Variants in NINJ2 observed in about 807,000 individuals in gnomAD.
NINJ2 encodes ninjurin 2.
NINJ2 carries 12 observed loss-of-function variants against 11.7 expected under a neutral mutation model. The ratio of observed to expected loss-of-function variants is 1.02; its 90% CI spans 0.66 to 1.66. NINJ2 has a LOEUF of 1.66. Ranked by LOEUF, NINJ2 falls within the 40% of genes most tolerant of loss-of-function variation. The probability of loss-of-function intolerance (pLI) is 0.00; values close to 1 mark genes in which losing one functional copy is unlikely to be tolerated. For synonymous variants in NINJ2, 93 were observed against 76.8 expected, an observed-to-expected ratio of 1.21 and a Z score of -1.10; for missense variants, 187 against 181.8, an observed-to-expected ratio of 1.03 and a Z score of -0.16.
Position 628,333 on chromosome 12 carries a change from G to C in NINJ2, c.33+34995C>G, listed in dbSNP as rs1233996613. Among the ~76,000 whole-genome samples, 1 of 152,050 alleles carries C rather than the reference G, an allele frequency of 6.6e-6. No homozygotes were observed. Among genetic ancestry groups the C allele is most frequent in the African/African-American group, 2.4e-5 (1 of 41,446 alleles). On this transcript the variant is annotated intron_variant, in intron 1 of 3. Transcript: ENST00000305108. The surrounding 1 kb of genome is among the most constrained non-coding windows in gnomAD (Gnocchi z 4.4). ...GGGAAGGGGGAAGCCTCCTCATAGA[G>C]ATCTCAGAGTACATAGGAAGGAGCC... is the stretch of plus-strand genomic sequence containing the variant.
At chr12:658,713 A>AAAC (rs1937911389) in intron 1 of NINJ2, among the ~76,000 whole-genome samples, 1 of 98,904 alleles carries the variant, frequency 1.0e-5, no homozygotes, top group Non-Finnish European at 2.3e-5. Flanking sequence ...ATGCTATGCT[A>AAAC]TGCTATGCTA....
At chr12:597,916 C>T (rs1215071679) in intron 1 of NINJ2, among the ~76,000 whole-genome samples, 1 of 152,250 alleles carries the variant, frequency 6.6e-6, no homozygotes, top group African/African-American at 2.4e-5. Context: ...CTTGTTGAAG[C>T]CCTCTAGTAT....
chr12:629,896 A>AATATATATATATAT (rs1160871577), intron 1 of NINJ2, among the ~76,000 whole-genome samples: 9 of 9,890 alleles, frequency 9.1e-4, no homozygotes, highest in Non-Finnish European at 1.9e-3. Context: ...AAAAAAAAAA[A>AATATATATATATAT]ATATATATAT....
intron 1 of NINJ2, among the ~76,000 whole-genome samples, chr12:655,530 G>A (rs1247180566): frequency 2.0e-5 from 3 of 152,170 alleles, no homozygotes. Flanking sequence ...ACCTAAAAAA[G>A]TGAAATGCCT....
chr12:646,142 G>A (rs988092378), intron 1 of NINJ2, among the ~76,000 whole-genome samples: 7 of 152,170 alleles, frequency 4.6e-5, no homozygotes, highest in Non-Finnish European at 1.0e-4. Flanking sequence ...CTGATTTCTT[G>A]GACCTTGAGG....
chr12:662,782 C>G (rs764994192), intron 1 of NINJ2, among the ~76,000 whole-genome samples: 8 of 152,226 alleles, frequency 5.3e-5, no homozygotes, highest in Non-Finnish European at 1.0e-4. Context: ...ACATCTCTGC[C>G]TCTTCCTAGG....
rs183142679 is a variant in NINJ2, at chr12:621,741, C to T, written c.33+41587G>A. ...CTGAGGCAGGAGAATCACTTGAACC[C>T]GGGAGGCAGAGGTTGCAGTGAGCCA... is the stretch of plus-strand genomic sequence containing the variant. On this transcript the variant is annotated intron_variant, in intron 1 of 3. Transcript: ENST00000305108. 3.7e-3 allele frequency among the ~76,000 whole-genome samples: 549 copies of T among 149,232 alleles called. 7 individuals are homozygous for T. The highest frequency in any genetic ancestry group is 0.031 in the South Asian group (143 of 4,688).
chr12:597,964 T>A (rs900990162), intron 1 of NINJ2, among the ~76,000 whole-genome samples: 1 of 152,268 alleles, frequency 6.6e-6, no homozygotes, highest in Non-Finnish European at 1.5e-5. Context: ...ACATTTATTA[T>A]CACTAGTAAG....
At chr12:634,137 A>G in intron 1 of NINJ2, among the ~76,000 whole-genome samples, 1 of 152,028 alleles carries the variant, frequency 6.6e-6, no homozygotes, top group East Asian at 1.9e-4. Context: ...AGTAATTACC[A>G]AGTCACGCCT....
Position 580,176 on chromosome 12 carries a change from G to A in NINJ2, c.34-13998C>T, listed in dbSNP as rs1947526627. Among the ~76,000 whole-genome samples, 1 of 152,190 alleles carries A rather than the reference G, an allele frequency of 6.6e-6. No homozygotes were observed. The highest frequency in any genetic ancestry group is 1.5e-5 in the Non-Finnish European group (1 of 68,042). ...ACAGAATCCAGAGCCTGTATAAAGTGTATAAAGGGGGAAGCCAGGAGATAG... is the reference window on the plus strand; with the variant it reads ...ACAGAATCCAGAGCCTGTATAAAGTATATAAAGGGGGAAGCCAGGAGATAG... On this transcript the variant is annotated intron_variant, in intron 1 of 3. Coordinates refer to ENST00000305108, the MANE Select transcript of NINJ2 (RefSeq NM_016533.6). The surrounding 1 kb of genome is among the most constrained non-coding windows in gnomAD (Gnocchi z 4.7).
At chr12:645,347 TTAAG>T (rs1937659815) in intron 1 of NINJ2, 1 of 152,128 alleles carries the variant, frequency 6.6e-6, no homozygotes, top group African/African-American at 2.4e-5. Context: ...CCTCACAGAA[TTAAG>T]TGAGAAAACT....
intron 1 of NINJ2, among the ~76,000 whole-genome samples, chr12:597,606 T>C (rs986240443): frequency 1.3e-5 from 2 of 152,258 alleles, no homozygotes; most frequent in Non-Finnish European, 2.9e-5. Flanking sequence ...TCCTTGTATA[T>C]GATGAATTGA....
At chr12:578,342 G>A (rs990245460) in intron 1 of NINJ2, among the ~76,000 whole-genome samples, 5 of 152,060 alleles carry the variant, frequency 3.3e-5, no homozygotes, top group African/African-American at 4.8e-5. Flanking sequence ...TGTTGTCTGC[G>A]GCTTGCCCTG....
At chr12:613,671 T>C (rs1321022188) in intron 1 of NINJ2, among the ~76,000 whole-genome samples, 1 of 152,022 alleles carries the variant, frequency 6.6e-6, no homozygotes, top group Non-Finnish European at 1.5e-5. Flanking sequence ...TTTGGGAGGC[T>C]GAGGCGGGCA....
intron 1 of NINJ2, among the ~76,000 whole-genome samples, chr12:604,369 G>A (rs150045394): frequency 0.045 from 6,805 of 152,190 alleles, 473 homozygotes; most frequent in African/African-American, 0.15. Context: ...CGGGTGCGGT[G>A]GCTCACGCCT....
chr12:612,696 T>C (rs978351027), intron 1 of NINJ2, among the ~76,000 whole-genome samples: 6 of 152,184 alleles, frequency 3.9e-5, no homozygotes, highest in Non-Finnish European at 8.8e-5. Context: ...TGACACTTTA[T>C]GATAAACTCC....
At chr12:638,074 G>C (rs1197675449) in intron 1 of NINJ2, among the ~76,000 whole-genome samples, 1 of 152,204 alleles carries the variant, frequency 6.6e-6, no homozygotes, top group East Asian at 1.9e-4. Context: ...AGGTGGGAGT[G>C]GGAACTCTCC....
chr12:603,704 A>C (rs1339296110), intron 1 of NINJ2, among the ~76,000 whole-genome samples: 2 of 151,412 alleles, frequency 1.3e-5, no homozygotes, highest in Admixed American at 6.6e-5. Flanking sequence ...CCTGTCACCC[A>C]GGCTGGAGTA....
intron 1 of NINJ2, among the ~76,000 whole-genome samples, chr12:574,552 A>AG (rs1947426156): frequency 6.6e-6 from 1 of 151,502 alleles, no homozygotes; most frequent in Admixed American, 6.6e-5. Context: ...AAAAAAAAAA[A>AG]AGGTGAGCTT....
Sources: allele counts gnomAD v4.1 joint callset (sites outside exome capture counted in the v4.1 genomes callset), GRCh38; gene constraint gnomAD v4.1.1; non-coding constraint Gnocchi (gnomAD v3.1); transcripts MANE v1.5; gene names NCBI Gene and HGNC (gene_info 2026-07-23, HGNC 2026-07-21).